CENPW: variants seen among roughly 807,000 people sequenced by gnomAD.
The protein encoded by CENPW is centromere protein W.
A neutral mutation model predicts 11.1 loss-of-function variants in CENPW; 3 were observed. The ratio of observed to expected loss-of-function variants is 0.27; its 90% confidence interval spans 0.12 to 0.70. The LOEUF is 0.70. CENPW is among the 30% of genes least tolerant of loss of function. The pLI, the probability that CENPW is intolerant of heterozygous loss-of-function variation, is 0.77. For synonymous variants in CENPW, 38 were observed against 42.0 expected, an observed-to-expected ratio of 0.91 and a Z score of 0.37; for missense variants, 100 against 105.6, an observed-to-expected ratio of 0.95 and a Z score of 0.23.
chr6:126,381,647 A>G, the CENPW span, among the ~76,000 whole-genome samples: 12 of 152,186 alleles, frequency 7.9e-5, no homozygotes, highest in African/African-American at 2.9e-4. Flanking sequence ...CAGCCAACCA[A>G]CATGCACCTT....
the CENPW span, among the ~76,000 whole-genome samples, chr6:126,398,371 T>C: frequency 6.6e-6 from 1 of 152,100 alleles, no homozygotes; most frequent in African/African-American, 2.4e-5. Flanking sequence ...TATAAATAAA[T>C]AAAATATGCC....
chr6:126,366,789 G>A, the CENPW span, among the ~76,000 whole-genome samples: 1 of 152,126 alleles, frequency 6.6e-6, no homozygotes, highest in South Asian at 2.1e-4. Flanking sequence ...ATAAAGAACG[G>A]AGATTTATTT....
chr6:126,410,673 TG>T, the CENPW span, among the ~76,000 whole-genome samples: 3 of 151,872 alleles, frequency 2.0e-5, no homozygotes, highest in African/African-American at 4.8e-5. Flanking sequence ...TAAGTCTTGT[TG>T]GCTTACCTTA....
the CENPW span, among the ~76,000 whole-genome samples, chr6:126,408,906 CA>C: frequency 6.6e-6 from 1 of 151,570 alleles, no homozygotes; most frequent in African/African-American, 2.4e-5. Flanking sequence ...TTTATGTTTT[CA>C]AAAAGCCAAC....
At chr6:126,450,664 A>AT in the CENPW span, among the ~76,000 whole-genome samples, 1 of 150,720 alleles carries the variant, frequency 6.6e-6, no homozygotes, top group African/African-American at 2.4e-5. Context: ...TCATGTAGCT[A>AT]TTTTTCCTGT....
chr6:126,371,798 T>C, the CENPW span, among the ~76,000 whole-genome samples: 17 of 152,310 alleles, frequency 1.1e-4, no homozygotes, highest in African/African-American at 4.1e-4. Context: ...TCTTCCTGGT[T>C]TAATCTACAA....
the CENPW span, among the ~76,000 whole-genome samples, chr6:126,415,929 G>A: frequency 1.3e-5 from 2 of 152,160 alleles, no homozygotes; most frequent in Non-Finnish European, 1.5e-5. Context: ...GTGGGGTGTT[G>A]CTGAAAAGAT....
the CENPW span, among the ~76,000 whole-genome samples, chr6:126,455,739 G>GAAAGA: frequency 6.6e-6 from 1 of 151,230 alleles, no homozygotes; most frequent in African/African-American, 2.4e-5. Context: ...GCGAGAGAAA[G>GAAAGA]AAAGAAAAGC....
chr6:126,360,111 C>T, the CENPW span, among the ~76,000 whole-genome samples: 41 of 152,110 alleles, frequency 2.7e-4, no homozygotes, highest in African/African-American at 7.0e-4. Flanking sequence ...CTTATAAGGC[C>T]GGTCTAATTG....
chr6:126,397,850 G>T, the CENPW span, among the ~76,000 whole-genome samples: 1 of 152,072 alleles, frequency 6.6e-6, no homozygotes, highest in Non-Finnish European at 1.5e-5. Flanking sequence ...CATGCTTTCT[G>T]TTGACTCAGA....
Position 126,340,392 on chromosome 6 carries a change from A to T in CENPW, c.119A>T (p.Asp40Val). The change falls in exon 1 of 3, where the codon GAC becomes GTC. Residue 40 changes from aspartate (D) to valine (V), a missense_variant. Physicochemically the swap from Asp to Val is radical, Grantham distance 152. Transcript: ENST00000368328. ...CAACTTCGTCTGGAGAAAAGTGGTGACTTATTGGTGAGATTCCATCCCTTC... is the reference window on the plus strand; with the variant it reads ...CAACTTCGTCTGGAGAAAAGTGGTGTCTTATTGGTGAGATTCCATCCCTTC... ...KPQLRLEKSG[D>V]LLVHLNCLLF... 1 of 1,614,136 alleles carries T rather than the reference A, an allele frequency of 6.2e-7. No homozygotes were observed.
At chr6:126,464,918 A>G in the CENPW span, among the ~76,000 whole-genome samples, 1 of 152,196 alleles carries the variant, frequency 6.6e-6, no homozygotes, top group East Asian at 1.9e-4. Context: ...TATAATAGCA[A>G]AAAACTGAAT....
rs750981982 is a variant in CENPW at position 126,340,396 on chromosome 6, A to C, written c.123A>C (p.Leu41Phe). 6.2e-7 allele frequency: 1 copy of C among 1,614,164 alleles called. No individual in the cohort carries two copies. The highest frequency in any genetic ancestry group is 1.1e-5 in the South Asian group (1 of 91,078). The change falls in exon 1 of 3, where the codon TTA (leucine) becomes TTC (phenylalanine). Residue 41 changes from leucine (L) to phenylalanine (F), a missense_variant. Coordinates refer to ENST00000368328, the MANE Select transcript of CENPW (RefSeq NM_001012507.4). ...TTCGTCTGGAGAAAAGTGGTGACTT[A>C]TTGGTGAGATTCCATCCCTTCTCGG... ...PQLRLEKSGD[L>F]LVHLNCLLFV...
the CENPW span, among the ~76,000 whole-genome samples, chr6:126,384,676 G>T: frequency 6.6e-6 from 1 of 152,156 alleles, no homozygotes; most frequent in Admixed American, 6.6e-5. Flanking sequence ...AACCCTGGAA[G>T]ACAATCTAGG....
Position 126,340,351 on chromosome 6 carries a change from C to G in CENPW, c.78C>G (p.Phe26Leu). The G allele has an allele frequency of 3.1e-6, 5 of 1,614,132 alleles. No homozygotes were observed. Among genetic ancestry groups the G allele is most frequent in the Non-Finnish European group, 4.2e-6 (5 of 1,180,020 alleles). Residue 26 changes from phenylalanine to leucine, a missense_variant, in exon 1 of 3, where the codon TTC becomes TTG. By Grantham distance (22) the Phe-to-Leu change is conservative. Coordinates refer to ENST00000368328, the MANE Select transcript of CENPW (RefSeq NM_001012507.4). ...KAPRGFLKRV[F>L]KRKKPQLRLE... ...CCCGTGGCTTTCTAAAGCGAGTCTT[C>G]AAGCGAAAGAAGCCTCAACTTCGTC...
At chr6:126,406,978 G>T in the CENPW span, among the ~76,000 whole-genome samples, 2 of 152,044 alleles carry the variant, frequency 1.3e-5, no homozygotes, top group Non-Finnish European at 2.9e-5. Flanking sequence ...GATGTACAGG[G>T]TTGTTACATA....
At chr6:126,389,683 C>T in the CENPW span, among the ~76,000 whole-genome samples, 1 of 150,898 alleles carries the variant, frequency 6.6e-6, no homozygotes, top group Non-Finnish European at 1.5e-5. Context: ...TGTGTGCCTT[C>T]CTCATGGGGT....
chr6:126,376,454 T>C, the CENPW span, among the ~76,000 whole-genome samples: 1 of 152,104 alleles, frequency 6.6e-6, no homozygotes, highest in Admixed American at 6.5e-5. Context: ...TAATACGGAA[T>C]TGTATTACAA....
At chr6:126,403,521 C>T in the CENPW span, among the ~76,000 whole-genome samples, 1 of 152,056 alleles carries the variant, frequency 6.6e-6, no homozygotes, top group African/African-American at 2.4e-5. Flanking sequence ...AAAGCCCAAT[C>T]CAGAGCAAGG....
Sources: allele counts gnomAD v4.1 joint callset (sites outside exome capture counted in the v4.1 genomes callset), GRCh38; gene constraint gnomAD v4.1.1; transcripts MANE v1.5; gene names NCBI Gene and HGNC (gene_info 2026-07-23, HGNC 2026-07-21).